Variants in NALCN observed in about 807,000 individuals in gnomAD.
NALCN encodes sodium leak channel, non-selective, also known as sodium leak channel NALCN.
NALCN carries 111 observed loss-of-function variants against 225.3 expected under a neutral mutation model. The observed-to-expected ratio is 0.49, with a 90% CI of 0.42 to 0.58. The LOEUF is 0.58. Among genes scored for constraint, NALCN ranks in the 20% least tolerant of loss-of-function variants. The pLI is 0.00. For missense variants in NALCN, 1,378 were observed against 2,202.4 expected (o/e 0.63, Z 7.49); for synonymous variants, 764 against 769.0 (o/e 0.99, Z 0.11).
chr13:101,291,723 A>AT (rs1054364097), intron 9 of NALCN, among the ~76,000 whole-genome samples: 2 of 151,780 alleles, frequency 1.3e-5, no homozygotes, highest in Non-Finnish European at 2.9e-5. Flanking sequence ...AATTTTTAAA[A>AT]TTTTTTTGTA....
chr13:101,264,032 A>G (rs961942578), intron 10 of NALCN, among the ~76,000 whole-genome samples: 2 of 152,216 alleles, frequency 1.3e-5, no homozygotes, highest in Non-Finnish European at 2.9e-5. Flanking sequence ...ATAAAAATTA[A>G]TATAAAGGAA....
intron 36 of NALCN, among the ~76,000 whole-genome samples, chr13:101,074,284 C>A (rs750056948): frequency 9.2e-5 from 14 of 151,932 alleles, no homozygotes; most frequent in Admixed American, 3.9e-4. Flanking sequence ...TTTTTGTTTT[C>A]TTTTATTTCT....
At chr13:101,096,042 C>T (rs1171201626) in intron 27 of NALCN, among the ~76,000 whole-genome samples, 1 of 151,984 alleles carries the variant, frequency 6.6e-6, no homozygotes, top group Non-Finnish European at 1.5e-5. Flanking sequence ...AAAGCCATAA[C>T]CAAAAAGTCA....
intron 42 of NALCN, among the ~76,000 whole-genome samples, chr13:101,059,524 C>T (rs560176510): frequency 6.6e-6 from 1 of 152,236 alleles, no homozygotes; most frequent in South Asian, 2.1e-4. Flanking sequence ...GATGTTAACT[C>T]TTTAGACAAA....
chr13:101,230,291 G>A (rs2041294454), intron 12 of NALCN, among the ~76,000 whole-genome samples: 1 of 152,238 alleles, frequency 6.6e-6, no homozygotes, highest in African/African-American at 2.4e-5. Flanking sequence ...ATTTTCCTAG[G>A]TATTATTAGA....
intron 17 of NALCN, among the ~76,000 whole-genome samples, chr13:101,140,321 A>C (rs2037010206): frequency 6.6e-6 from 1 of 151,920 alleles, no homozygotes; most frequent in Non-Finnish European, 1.5e-5. Flanking sequence ...GCCTCTCAAG[A>C]CTCTTTTTAT....
intron 15 of NALCN, among the ~76,000 whole-genome samples, chr13:101,170,715 T>A (rs2038671023): frequency 6.6e-6 from 1 of 152,166 alleles, no homozygotes; most frequent in Non-Finnish European, 1.5e-5. Flanking sequence ...AGACCAAACA[T>A]CATTAAATTG....
At chr13:101,313,525 C>T (rs1760240) in intron 7 of NALCN, among the ~76,000 whole-genome samples, 61,722 of 151,768 alleles carry the variant, frequency 0.41, 12,907 homozygotes, top group Middle Eastern at 0.47. Context: ...TATGAACAGA[C>T]ACTTCTCAAA....
Position 101,399,020 on chromosome 13 carries a change from G to T in NALCN, c.107C>A (p.Pro36Gln), listed in dbSNP as rs551879819. ...DNADILWINKPWVHSLLRICA... is the reference protein window; with the variant it reads ...DNADILWINKQWVHSLLRICA... ...TCCATACTCAAAGAAGAAACTTACTGGTTTGTTAATCCAGAGGATGTCAGC... is the reference window on the plus strand; with the variant it reads ...TCCATACTCAAAGAAGAAACTTACTTGTTTGTTAATCCAGAGGATGTCAGC... Residue 36 changes from proline (P) to glutamine (Q), a missense_variant and splice_region_variant, in exon 2 of 44, where the codon CCA (proline) becomes CAA (glutamine). Around this residue, in one of 19 missense-constraint regions of NALCN, gnomAD observed 146 missense variants for 205.9 expected, o/e 0.71. Coordinates refer to ENST00000251127, the MANE Select transcript of NALCN (RefSeq NM_052867.4). The T allele has an allele frequency of 1.2e-5, 18 of 1,549,010 alleles. No individual in the cohort carries two copies. In the African/African-American group the frequency reaches 2.0e-4, roughly 18 times the overall value.
chr13:101,254,890 CAAAAAAAAAAAA>C lies in NALCN; in HGVS notation c.1266+3541_1266+3552del, dbSNP rs149258180. ...TGGGCGACAGAGCGAGACTCTGTCT[CAAAAAAAAAAAA>C]AAAAAAAAAAAGAATGAATGACATG... On this transcript the variant is annotated intron_variant, in intron 11 of 43. Transcript: ENST00000251127. Among the ~76,000 whole-genome samples, 4 of 38,490 alleles carry C rather than the reference CAAAAAAAAAAAA, an allele frequency of 1.0e-4. No homozygotes were observed. The East Asian group carries it at 2.0e-3, about 19-fold the overall frequency. The allele number at this position is 38,490 out of a possible 152,430, so 25.3% of individuals were successfully genotyped here. A position where few individuals can be genotyped will look rare whatever the true frequency, so the allele number is the denominator to read the frequency against.
chr13:101,059,799 G>T lies in NALCN; in HGVS notation c.4905+19C>A. On this transcript the variant is annotated intron_variant, in intron 42 of 43. Coordinates refer to ENST00000251127, the MANE Select transcript of NALCN (RefSeq NM_052867.4). ...AGCCCACAGAGTGTCCTGGGACAGAGGACGCCTCGTGCCCATACCTCAGGT... is the reference window on the plus strand; with the variant it reads ...AGCCCACAGAGTGTCCTGGGACAGATGACGCCTCGTGCCCATACCTCAGGT... 1 of 1,612,934 alleles carries T rather than the reference G, an allele frequency of 6.2e-7. No homozygotes were observed. The highest frequency in any genetic ancestry group is 8.5e-7 in the Non-Finnish European group (1 of 1,179,280).
chr13:101,282,122 A>C (rs2043187363), intron 10 of NALCN, among the ~76,000 whole-genome samples: 1 of 152,202 alleles, frequency 6.6e-6, no homozygotes, highest in African/African-American at 2.4e-5. Flanking sequence ...TTAAAAATAG[A>C]ACTACCATAT....
chr13:101,072,780 A>G (rs2032984750), intron 37 of NALCN, among the ~76,000 whole-genome samples: 1 of 152,148 alleles, frequency 6.6e-6, no homozygotes, highest in East Asian at 1.9e-4. Context: ...GTAAATTTAA[A>G]TTTATGTTAA....
rs144725236 is a variant in NALCN, at chr13:101,252,158, G to A, written c.1266+6285C>T. The stretch of plus-strand genomic sequence containing the variant: ...ACTATAGCTTCTAAGAGTAGAAAGA[G>A]GTCCTTAGAGTCACACATCGATGGC... On this transcript the variant is annotated intron_variant, in intron 11 of 43. Coordinates refer to ENST00000251127, the MANE Select transcript of NALCN (RefSeq NM_052867.4). Among the ~76,000 whole-genome samples, 789 of 152,232 alleles carry A rather than the reference G, an allele frequency of 5.2e-3. 23 individuals carry two copies. Among genetic ancestry groups the A allele is most frequent in the Admixed American group, 0.047 (715 of 15,288 alleles).
intron 6 of NALCN, among the ~76,000 whole-genome samples, chr13:101,369,944 T>C (rs2046491013): frequency 6.6e-6 from 1 of 152,204 alleles, no homozygotes; most frequent in African/African-American, 2.4e-5. Flanking sequence ...AACTTTGTTT[T>C]TCTATTTTTT....
At chr13:101,182,681 T>C (rs1383110471) in intron 14 of NALCN, among the ~76,000 whole-genome samples, 4 of 152,040 alleles carry the variant, frequency 2.6e-5, no homozygotes, top group Admixed American at 6.5e-5. Context: ...GTCCCTGGCA[T>C]GTAGGGCACT....
At chr13:101,302,248 CA>C (rs2043999489) in intron 7 of NALCN, among the ~76,000 whole-genome samples, 1 of 151,982 alleles carries the variant, frequency 6.6e-6, no homozygotes, top group South Asian at 2.1e-4. Context: ...AATGAAAATG[CA>C]AAAATTAACA....
At chr13:101,301,379 G>A (rs190878688) in intron 7 of NALCN, among the ~76,000 whole-genome samples, 3 of 152,284 alleles carry the variant, frequency 2.0e-5, no homozygotes, top group East Asian at 3.9e-4. Context: ...GAGCAGTGAG[G>A]TCAGGTCAAA....
intron 7 of NALCN, among the ~76,000 whole-genome samples, chr13:101,336,886 C>T (rs1174122735): frequency 1.3e-5 from 2 of 152,170 alleles, no homozygotes; most frequent in Non-Finnish European, 2.9e-5. Context: ...TGCCTTATCA[C>T]GGCATTTTGA....
Sources: allele counts gnomAD v4.1 joint callset (sites outside exome capture counted in the v4.1 genomes callset), GRCh38; gene constraint gnomAD v4.1.1; regional missense constraint gnomAD v4.1.1; transcripts MANE v1.5; gene names NCBI Gene and HGNC (gene_info 2026-07-23, HGNC 2026-07-21).